The following SNTB1 variants were observed in gnomAD, a reference collection of about 807,000 sequenced individuals.
SNTB1 encodes beta-1-syntrophin.
SNTB1 carries 36 observed loss-of-function variants against 48.9 expected under a neutral mutation model. The observed-to-expected ratio is 0.74, with a 90% CI of 0.56 to 0.97. SNTB1 has a LOEUF of 0.97. Ranked by LOEUF, SNTB1 falls within the 50% of genes least tolerant of loss-of-function variation. The pLI, the probability that SNTB1 is intolerant of heterozygous loss-of-function variation, is 0.00. For synonymous variants in SNTB1, 299 were observed against 294.6 expected, an observed-to-expected ratio of 1.01 and a Z score of -0.15; for missense variants, 786 against 703.4, an observed-to-expected ratio of 1.12 and a Z score of -1.33.
intron 3 of SNTB1, among the ~76,000 whole-genome samples, chr8:120,617,016 C>T (rs911857398): frequency 6.6e-6 from 1 of 152,210 alleles, no homozygotes; most frequent in Non-Finnish European, 1.5e-5. Context: ...GCTTGTCCAA[C>T]CCATGGCCCA....
In SNTB1 at chr8:120,561,134, C is replaced by G. The variant is rs181312195; in HGVS notation, c.1137-12176G>C. ...CTTGAGGTCAGGAGTTCAAGACCAG[C>G]CTGACCAACATGGTGAAACCCCATC... On this transcript the variant is annotated intron_variant, in intron 4 of 6. Coordinates refer to ENST00000517992, the MANE Select transcript of SNTB1 (RefSeq NM_021021.4). 4.9e-4 allele frequency among the ~76,000 whole-genome samples: 75 copies of G among 151,806 alleles called. No individual in the cohort carries two copies. In the East Asian group the frequency reaches 0.013, roughly 26 times the overall value.
intron 3 of SNTB1, among the ~76,000 whole-genome samples, chr8:120,602,117 G>A (rs1376894593): frequency 6.6e-6 from 1 of 152,150 alleles, no homozygotes; most frequent in East Asian, 1.9e-4. Flanking sequence ...AAAGTTTTTG[G>A]TACAGTCATC....
intron 4 of SNTB1, among the ~76,000 whole-genome samples, chr8:120,553,070 G>C (rs1299946529): frequency 1.3e-5 from 2 of 152,192 alleles, no homozygotes. Flanking sequence ...TTGCTTGCTA[G>C]CTGCTCACCT....
In SNTB1 at chr8:120,672,048, G is replaced by C. The variant is rs1369777021; in HGVS notation, c.788+21644C>G. On this transcript the variant is annotated intron_variant, in intron 2 of 6. Coordinates refer to ENST00000517992, the MANE Select transcript of SNTB1 (RefSeq NM_021021.4). The stretch of plus-strand genomic sequence containing the variant: ...CAACCTCCCTGCTTTTTCACTTTCA[G>C]TACAGCATTCAATAAATTACATGAG... Among the ~76,000 whole-genome samples, 4 of 152,258 alleles carry C rather than the reference G, an allele frequency of 2.6e-5. No homozygotes were observed. The South Asian group carries it at 6.2e-4, about 24-fold the overall frequency.
intron 1 of SNTB1, among the ~76,000 whole-genome samples, chr8:120,707,437 G>A (rs1818396126): frequency 6.6e-6 from 1 of 152,128 alleles, no homozygotes; most frequent in South Asian, 2.1e-4. Context: ...ACATCAGGAT[G>A]ACAGAGGAAA....
intron 2 of SNTB1, among the ~76,000 whole-genome samples, chr8:120,670,391 T>C (rs1160597649): frequency 6.6e-6 from 1 of 152,118 alleles, no homozygotes; most frequent in East Asian, 1.9e-4. Context: ...ATAGCCAGGG[T>C]TTCTCAGAAG....
intron 1 of SNTB1, among the ~76,000 whole-genome samples, chr8:120,737,556 G>A (rs1365890182): frequency 4.6e-5 from 7 of 152,152 alleles, no homozygotes. Context: ...ACCAAAACAA[G>A]CTCAGAGAGA....
At chr8:120,716,899 A>G (rs528392201) in intron 1 of SNTB1, among the ~76,000 whole-genome samples, 61 of 152,258 alleles carry the variant, frequency 4.0e-4, no homozygotes, top group Non-Finnish European at 8.1e-4. Context: ...TCTGAACAGA[A>G]ATTTCCTTAC....
chr8:120,630,468 A>G (rs1177161508), intron 3 of SNTB1, among the ~76,000 whole-genome samples: 4 of 152,198 alleles, frequency 2.6e-5, no homozygotes, highest in Non-Finnish European at 5.9e-5. Context: ...GGTTTCCCAA[A>G]CCTTGGCTAT....
intron 1 of SNTB1, among the ~76,000 whole-genome samples, chr8:120,801,429 G>T (rs1820224531): frequency 1.3e-5 from 2 of 151,724 alleles, no homozygotes; most frequent in Non-Finnish European, 2.9e-5. Context: ...AAATCTATTT[G>T]TAACTTATAT....
chr8:120,716,400 C>T (rs1416393313), intron 1 of SNTB1, among the ~76,000 whole-genome samples: 1 of 152,270 alleles, frequency 6.6e-6, no homozygotes, highest in South Asian at 2.1e-4. Context: ...CTTCACACAG[C>T]CACACACAAA....
chr8:120,779,075 C>A (rs925139105), intron 1 of SNTB1, among the ~76,000 whole-genome samples: 1 of 152,092 alleles, frequency 6.6e-6, no homozygotes, highest in Non-Finnish European at 1.5e-5. Context: ...GAGCAGTGGG[C>A]ACAGATGAAA....
chr8:120,663,432 G>A (rs4871091), intron 2 of SNTB1, among the ~76,000 whole-genome samples: 60,651 of 151,978 alleles, frequency 0.4, 12,475 homozygotes, highest in South Asian at 0.6. Context: ...TCAGCCTCCC[G>A]AGTAGCTGGG....
intron 1 of SNTB1, among the ~76,000 whole-genome samples, chr8:120,780,310 A>T (rs1031490473): frequency 6.6e-6 from 1 of 152,182 alleles, no homozygotes; most frequent in African/African-American, 2.4e-5. Flanking sequence ...TTTAATATTT[A>T]TCTGTGACTA....
intron 4 of SNTB1, among the ~76,000 whole-genome samples, chr8:120,566,851 A>G (rs7826902): frequency 0.2 from 29,727 of 152,030 alleles, 2,979 homozygotes; most frequent in Middle Eastern, 0.3. Flanking sequence ...CTCACTTTGC[A>G]TGATTAGGGG....
chr8:120,574,205 G>A (rs940758186), intron 4 of SNTB1, among the ~76,000 whole-genome samples: 3 of 152,166 alleles, frequency 2.0e-5, no homozygotes, highest in Non-Finnish European at 4.4e-5. Context: ...GGTTTCCAGC[G>A]GGGAGAGGGA....
chr8:120,733,113 G>A (rs755697316), intron 1 of SNTB1, among the ~76,000 whole-genome samples: 29 of 152,206 alleles, frequency 1.9e-4, no homozygotes, highest in South Asian at 4.1e-4. Context: ...AGTACAAATC[G>A]TGTATATGCC....
intron 1 of SNTB1, among the ~76,000 whole-genome samples, chr8:120,797,552 T>C (rs1447753292): frequency 7.5e-6 from 1 of 133,338 alleles, no homozygotes; most frequent in African/African-American, 3.0e-5. Context: ...TTCTCTTTTT[T>C]TTTTTTTTTT....
At chr8:120,767,000 T>C (rs1819537095) in intron 1 of SNTB1, among the ~76,000 whole-genome samples, 2 of 152,202 alleles carry the variant, frequency 1.3e-5, no homozygotes, top group Admixed American at 6.5e-5. Flanking sequence ...AAAATATTTA[T>C]GTAATCAAAA....
Sources: gnomAD v4.1 joint callset for allele counts (sites outside exome capture counted in the v4.1 genomes callset) on GRCh38, gnomAD v4.1.1 for gene constraint, MANE v1.5 for transcripts, NCBI Gene and HGNC (gene_info 2026-07-23, HGNC 2026-07-21) for gene names.